PMM2: variants seen among roughly 807,000 people sequenced by gnomAD.
PMM2 encodes mannose-6-phosphate isomerase.
PMM2 carries 35 observed loss-of-function variants against 33.2 expected under a neutral mutation model. The observed-to-expected ratio is 1.06, with a 90% CI of 0.81 to 1.40. The LOEUF (loss-of-function observed/expected upper bound fraction) is 1.40. Among genes scored for constraint, PMM2 ranks in the 40% most tolerant of loss-of-function variants. The pLI is 0.00. For missense variants in PMM2, 386 were observed against 306.0 expected, an observed-to-expected ratio of 1.26 and a Z score of -1.95; for synonymous variants, 153 against 114.7, an observed-to-expected ratio of 1.33 and a Z score of -2.13.
chr16:8,801,523 T>C (rs1346054038), intron 1 of PMM2, among the ~76,000 whole-genome samples: 5 of 152,018 alleles, frequency 3.3e-5, no homozygotes, highest in Non-Finnish European at 7.4e-5. Context: ...ATAAAAAAAT[T>C]AGCCAGGTGT....
chr16:8,815,841 AG>A (rs1381070162), intron 7 of PMM2, among the ~76,000 whole-genome samples: 1 of 152,254 alleles, frequency 6.6e-6, no homozygotes, highest in Non-Finnish European at 1.5e-5. Flanking sequence ...CTGCACAGCA[AG>A]GGAAATAATC....
chr16:8,827,840 TAA>T (rs2060783207), intron 7 of PMM2, among the ~76,000 whole-genome samples: 3 of 73,288 alleles, frequency 4.1e-5, no homozygotes, highest in Admixed American at 3.5e-4. Flanking sequence ...ATATATTGTA[TAA>T]TATATAATAT....
chr16:8,829,588 C>T (rs1235123913), intron 7 of PMM2, among the ~76,000 whole-genome samples: 14 of 152,222 alleles, frequency 9.2e-5, no homozygotes, highest in African/African-American at 3.4e-4. Flanking sequence ...CACTTGCTCC[C>T]GTTGGTCTCT....
At chr16:8,825,709 C>G (rs1284036599) in intron 7 of PMM2, among the ~76,000 whole-genome samples, 4 of 151,812 alleles carry the variant, frequency 2.6e-5, no homozygotes, top group Non-Finnish European at 5.9e-5. Context: ...TTTATATAAC[C>G]CTTTATAATT....
intron 7 of PMM2, among the ~76,000 whole-genome samples, chr16:8,847,253 G>C (rs2060932328): frequency 6.6e-6 from 1 of 152,098 alleles, no homozygotes; most frequent in African/African-American, 2.4e-5. Flanking sequence ...CACATGGCCA[G>C]TGGCTGCCAT....
At chr16:8,830,353 A>C (rs2060802627) in intron 7 of PMM2, among the ~76,000 whole-genome samples, 1 of 152,188 alleles carries the variant, frequency 6.6e-6, no homozygotes, top group South Asian at 2.1e-4. Flanking sequence ...GGAGAATTGC[A>C]ATAGACTAAT....
At chr16:8,814,206 C>T (rs1386791948) in intron 7 of PMM2, among the ~76,000 whole-genome samples, 1 of 152,074 alleles carries the variant, frequency 6.6e-6, no homozygotes, top group African/African-American at 2.4e-5. Flanking sequence ...GATTCCTGGC[C>T]TCAAGGAATC....
chr16:8,835,451 A>G (rs991578739), intron 7 of PMM2, among the ~76,000 whole-genome samples: 4 of 152,026 alleles, frequency 2.6e-5, no homozygotes, highest in African/African-American at 9.7e-5. Context: ...AGGGTCATCT[A>G]ACTGAAAGCA....
intron 7 of PMM2, among the ~76,000 whole-genome samples, chr16:8,841,913 G>C (rs964966891): frequency 6.6e-6 from 1 of 150,526 alleles, no homozygotes; most frequent in African/African-American, 2.5e-5. Flanking sequence ...GTATGAGGAA[G>C]AAAATGGATT....
intron 7 of PMM2, among the ~76,000 whole-genome samples, chr16:8,813,842 G>C: frequency 6.8e-6 from 1 of 147,346 alleles, no homozygotes; most frequent in East Asian, 2.0e-4. Flanking sequence ...CTTTGGGCCA[G>C]CTCCTTTTCT....
intron 7 of PMM2, among the ~76,000 whole-genome samples, chr16:8,820,011 G>T (rs967156033): frequency 2.6e-5 from 4 of 152,174 alleles, no homozygotes; most frequent in Admixed American, 2.0e-4. Flanking sequence ...TGTTAATAAG[G>T]AAGATCTGCC....
At position 8,847,863 on chromosome 16, in the gene PMM2, C is replaced by T. The variant is rs1475967263; in HGVS notation, c.*38C>T. 6.7e-7 allele frequency: 1 copy of T among 1,484,618 alleles called. No individual in the cohort carries two copies. The highest frequency in any genetic ancestry group is 2.3e-5 in the East Asian group (1 of 44,230). The allele number at this position is 1,484,618 out of a possible 1,614,324, so 92.0% of individuals were successfully genotyped here. On this transcript the variant is annotated 3_prime_UTR_variant, in exon 8 of 8. Transcript: ENST00000268261. ...AGGGGCGGGGTCCCGGCTGACAAGC[C>T]AGCATAGGGCATTCGGTGGCCAGAG...
At chr16:8,831,145 A>G (rs982378542) in intron 7 of PMM2, among the ~76,000 whole-genome samples, 4 of 142,136 alleles carry the variant, frequency 2.8e-5, no homozygotes, top group African/African-American at 1.2e-4. Flanking sequence ...CTCCAAAAAC[A>G]AAAAAAACAA....
intron 7 of PMM2, chr16:8,832,265 G>A (rs553969906): frequency 1.0e-6 from 1 of 985,338 alleles, no homozygotes; most frequent in Non-Finnish European, 1.2e-6. Flanking sequence ...TTGTGATGCA[G>A]ATGCTCCTGC....
rs553843795 is a variant in PMM2 at position 8,844,858 on chromosome 16, G to A, written c.640-2866G>A. ...GGTGAGGGATAGGGAGGTTGGAGAAGAGAGTAAAAAGAGGCTGCTTATTGG... is the reference window on the plus strand; with the variant it reads ...GGTGAGGGATAGGGAGGTTGGAGAAAAGAGTAAAAAGAGGCTGCTTATTGG... On this transcript the variant is annotated intron_variant, in intron 7 of 7. Coordinates refer to ENST00000268261, the MANE Select transcript of PMM2 (RefSeq NM_000303.3). Among the ~76,000 whole-genome samples the A allele has an allele frequency of 5.3e-5, 8 of 152,370 alleles. No individual in the cohort carries two copies. The South Asian group carries it at 1.7e-3, about 32-fold the overall frequency.
Position 8,801,847 on chromosome 16 carries a change from A to T in PMM2, c.115A>T (p.Ile39Phe). Residue 39 changes from isoleucine (I) to phenylalanine (F), a missense_variant, in exon 2 of 8, where the codon ATC (isoleucine) becomes TTC (phenylalanine). By Grantham distance (21) the Ile-to-Phe change is conservative. Coordinates refer to ENST00000268261, the MANE Select transcript of PMM2 (RefSeq NM_000303.3). Reference sequence around the variant, plus strand: ...CTTCCTACAAAAATTGAGGCAGAAGATCAAAATCGGAGTGGTAGGCGGATC... The same window carrying T: ...CTTCCTACAAAAATTGAGGCAGAAGTTCAAAATCGGAGTGGTAGGCGGATC... ...DDFLQKLRQKIKIGVVGGSDF... is the reference protein window; with the variant it reads ...DDFLQKLRQKFKIGVVGGSDF... 1 of 1,612,572 alleles carries T rather than the reference A, an allele frequency of 6.2e-7. No individual in the cohort carries two copies. Among genetic ancestry groups the T allele is most frequent in the South Asian group, 1.1e-5 (1 of 90,990 alleles).
intron 7 of PMM2, among the ~76,000 whole-genome samples, chr16:8,844,095 T>C (rs1007531936): frequency 6.6e-6 from 1 of 152,154 alleles, no homozygotes; most frequent in African/African-American, 2.4e-5. Flanking sequence ...TCTTGCAGGA[T>C]GGAAAAATTG....
At chr16:8,832,745 TAC>T (rs2060818136) in intron 7 of PMM2, 3 of 985,240 alleles carry the variant, frequency 3.0e-6, no homozygotes, top group East Asian at 1.1e-4. Context: ...TTCAGGCGGC[TAC>T]CCGTGAAATC....
At chr16:8,819,333 T>C (rs2060724348) in intron 7 of PMM2, among the ~76,000 whole-genome samples, 2 of 152,216 alleles carry the variant, frequency 1.3e-5, no homozygotes, top group African/African-American at 4.8e-5. Context: ...AGTAATGTGC[T>C]GGCTACATTT....
Sources: gnomAD v4.1 joint callset for allele counts (sites outside exome capture counted in the v4.1 genomes callset) on GRCh38, gnomAD v4.1.1 for gene constraint, MANE v1.5 for transcripts, NCBI Gene and HGNC (gene_info 2026-07-23, HGNC 2026-07-21) for gene names.